Variants in ANXA4 observed in about 807,000 individuals in gnomAD.
The protein encoded by ANXA4 is annexin A4.
Under a neutral mutation model 49.8 loss-of-function variants are expected in ANXA4, and 39 were observed. That is an observed-to-expected ratio of 0.78 (90% confidence interval 0.61 to 1.02). The LOEUF (loss-of-function observed/expected upper bound fraction) is 1.02. Among genes scored for constraint, ANXA4 ranks in the 50% least tolerant of loss-of-function variants. The pLI is 0.00. For synonymous variants in ANXA4, 134 were observed against 152.5 expected (o/e 0.88, Z 0.89); for missense variants, 360 against 410.1 (o/e 0.88, Z 1.05).
chr2:69,663,099 T>G (rs1676787135), intron 2 of ANXA4, among the ~76,000 whole-genome samples: 1 of 149,614 alleles, frequency 6.7e-6, no homozygotes, highest in Non-Finnish European at 1.5e-5. Context: ...TTCACGCCAT[T>G]CTCCTGCCTC....
chr2:69,785,185 G>A (rs1672363608), intron 2 of ANXA4, among the ~76,000 whole-genome samples: 1 of 152,194 alleles, frequency 6.6e-6, no homozygotes, highest in African/African-American at 2.4e-5. Context: ...TGGTCTTGCA[G>A]CAGAGAAGGC....
intron 3 of ANXA4, among the ~76,000 whole-genome samples, chr2:69,724,980 T>C (rs576088753): frequency 2.0e-5 from 3 of 152,332 alleles, no homozygotes; most frequent in East Asian, 1.9e-4. Flanking sequence ...TGTCAAGAAA[T>C]TTTATTGAGT....
intron 1 of ANXA4, among the ~76,000 whole-genome samples, chr2:69,772,632 G>A (rs1671773479): frequency 1.3e-5 from 2 of 152,296 alleles, no homozygotes; most frequent in East Asian, 3.9e-4. Context: ...ATGCTAATAA[G>A]CATTTGTGTA....
chr2:69,823,707 A>G (rs1474417563), intron 12 of ANXA4, among the ~76,000 whole-genome samples: 6 of 152,236 alleles, frequency 3.9e-5, no homozygotes, highest in African/African-American at 1.4e-4. Context: ...TATTGCATTC[A>G]AATGTATAAA....
chr2:69,669,938 C>T (rs531955736), intron 2 of ANXA4, among the ~76,000 whole-genome samples: 1 of 152,244 alleles, frequency 6.6e-6, no homozygotes, highest in South Asian at 2.1e-4. Flanking sequence ...TTGAAAGAGA[C>T]TTAATAGTTA....
intron 2 of ANXA4, among the ~76,000 whole-genome samples, chr2:69,665,250 G>T (rs1312550477): frequency 6.6e-6 from 1 of 152,150 alleles, no homozygotes; most frequent in South Asian, 2.1e-4. Flanking sequence ...CAGAGATCAC[G>T]TGAACAGACC....
intron 3 of ANXA4, among the ~76,000 whole-genome samples, chr2:69,804,157 AAAT>A (rs1242306760): frequency 7.9e-5 from 12 of 151,084 alleles, no homozygotes; most frequent in East Asian, 7.8e-4. Context: ...AAAAAAAAAA[AAAT>A]ATTCTAGAGG....
intron 2 of ANXA4, among the ~76,000 whole-genome samples, chr2:69,707,607 A>G (rs1480216716): frequency 6.6e-6 from 1 of 152,244 alleles, no homozygotes; most frequent in Non-Finnish European, 1.5e-5. Context: ...TTTTGTAGGT[A>G]CATAGTAGGT....
intron 3 of ANXA4, among the ~76,000 whole-genome samples, chr2:69,728,788 T>A (rs919826043): frequency 1.3e-5 from 2 of 152,004 alleles, no homozygotes; most frequent in Admixed American, 1.3e-4. Context: ...TTGATAGTTT[T>A]ATATCTCTGG....
intron 1 of ANXA4, among the ~76,000 whole-genome samples, chr2:69,780,132 G>A (rs181813242): frequency 7.2e-5 from 11 of 152,064 alleles, no homozygotes; most frequent in Admixed American, 5.9e-4. Context: ...AATGTTTGGG[G>A]AATCTTGTAA....
chr2:69,781,210 T>C, intron 1 of ANXA4: 1 of 356,872 alleles, frequency 2.8e-6, no homozygotes, highest in Non-Finnish European at 5.2e-6. Context: ...GTTCAGAATC[T>C]GTGTCCAGCT....
intron 2 of ANXA4, among the ~76,000 whole-genome samples, chr2:69,709,997 T>C (rs542924891): frequency 0.023 from 3,430 of 148,668 alleles, 143 homozygotes; most frequent in African/African-American, 0.079. Flanking sequence ...TTTTTTTTTT[T>C]TTTTTTTGAG....
At chr2:69,703,232 C>CT (rs11332710) in intron 2 of ANXA4, among the ~76,000 whole-genome samples, 31 of 147,444 alleles carry the variant, frequency 2.1e-4, no homozygotes, top group African/African-American at 4.0e-4. Flanking sequence ...CTCTGGCTTC[C>CT]TTTTTTTTTT....
chr2:69,719,134 G>A (rs867506041), intron 2 of ANXA4, among the ~76,000 whole-genome samples: 1 of 151,100 alleles, frequency 6.6e-6, no homozygotes, highest in African/African-American at 2.4e-5. Context: ...CTGCCACCAC[G>A]CCCAGCTAAT....
chr2:69,688,872 G>A (rs1260531259), intron 2 of ANXA4, among the ~76,000 whole-genome samples: 1 of 152,140 alleles, frequency 6.6e-6, no homozygotes, highest in Non-Finnish European at 1.5e-5. Context: ...CCCAGATCAG[G>A]AATTGGCCAT....
chr2:69,650,587 A>G (rs988497147), intron 1 of ANXA4, among the ~76,000 whole-genome samples: 12 of 152,040 alleles, frequency 7.9e-5, no homozygotes, highest in Admixed American at 6.6e-4. Context: ...AGCTTCCTGT[A>G]TAACTGGTGC....
intron 1 of ANXA4, among the ~76,000 whole-genome samples, chr2:69,743,583 G>A (rs1482140867): frequency 6.6e-6 from 1 of 152,146 alleles, no homozygotes; most frequent in African/African-American, 2.4e-5. Flanking sequence ...AGTAGGAGAG[G>A]AAGTGGACAG....
intron 1 of ANXA4, among the ~76,000 whole-genome samples, chr2:69,752,553 T>C (rs1052172819): frequency 1.3e-5 from 2 of 152,218 alleles, no homozygotes; most frequent in Admixed American, 6.5e-5. Flanking sequence ...GTCAGGGGCC[T>C]CTCCTACACA....
intron 1 of ANXA4, among the ~76,000 whole-genome samples, chr2:69,744,263 C>T (rs1227962884): frequency 6.6e-6 from 1 of 152,100 alleles, no homozygotes; most frequent in Non-Finnish European, 1.5e-5. Flanking sequence ...GTTATGATCA[C>T]ACCATTGCAC....
Sources: allele counts gnomAD v4.1 joint callset (sites outside exome capture counted in the v4.1 genomes callset), GRCh38; gene constraint gnomAD v4.1.1; transcripts MANE v1.5; gene names NCBI Gene and HGNC (gene_info 2026-07-23, HGNC 2026-07-21).